The following TSHZ1 variants were observed in gnomAD, a reference collection of about 807,000 sequenced individuals.
TSHZ1 encodes teashirt homolog 1.
In TSHZ1, 12 loss-of-function variants were observed where a neutral mutation model predicts 67.1. That is an observed-to-expected ratio of 0.18 (90% CI 0.11 to 0.29). TSHZ1 has a LOEUF of 0.29. Among genes scored for constraint, TSHZ1 ranks in the 10% least tolerant of loss-of-function variants. The pLI, the probability that TSHZ1 is intolerant of heterozygous loss-of-function variation, is 1.00. For synonymous variants in TSHZ1, 632 were observed against 622.4 expected (o/e 1.02, Z -0.23); for missense variants, 1,305 against 1,413.9 (o/e 0.92, Z 1.23).
chr18:75,281,914 A>T lies in TSHZ1; in HGVS notation c.41-3534A>T, dbSNP rs969498811. 2.6e-5 allele frequency among the ~76,000 whole-genome samples: 4 copies of T among 152,094 alleles called. No homozygotes were observed. The highest frequency in any genetic ancestry group is 7.2e-5 in the African/African-American group (3 of 41,462). ...TGCCTTCCAAAAGTGTCCCTCACCT[A>T]CCCGGTCAGAGGCTGCCTGATCACC... On this transcript the variant is annotated intron_variant, in intron 1 of 1. Transcript: ENST00000580243. The surrounding 1 kb of genome is among the most constrained non-coding windows in gnomAD (Gnocchi z 5.3).
At chr18:75,237,840 T>C (rs1568356621) in intron 1 of TSHZ1, among the ~76,000 whole-genome samples, 1 of 145,808 alleles carries the variant, frequency 6.9e-6, no homozygotes, top group Non-Finnish European at 1.5e-5. Flanking sequence ...GAGACGGGGT[T>C]TCACTCTTGT....
intron 1 of TSHZ1, among the ~76,000 whole-genome samples, chr18:75,218,156 G>GA (rs1281145747): frequency 1.3e-5 from 2 of 152,098 alleles, no homozygotes; most frequent in Non-Finnish European, 2.9e-5. Flanking sequence ...TAGAGCAAAG[G>GA]AAAAAAATAT....
At chr18:75,238,325 C>T (rs2122546631) in intron 1 of TSHZ1, among the ~76,000 whole-genome samples, 1 of 152,324 alleles carries the variant, frequency 6.6e-6, no homozygotes, top group African/African-American at 2.4e-5. Flanking sequence ...GGAACTCCCA[C>T]CAGCGAGGTG....
chr18:75,245,602 A>G (rs1029152050), intron 1 of TSHZ1, among the ~76,000 whole-genome samples: 1 of 152,186 alleles, frequency 6.6e-6, no homozygotes, highest in African/African-American at 2.4e-5. Context: ...TAAAACTGCC[A>G]GATTTTTAGT....
intron 1 of TSHZ1, among the ~76,000 whole-genome samples, chr18:75,255,815 G>A (rs937041910): frequency 6.6e-6 from 1 of 152,192 alleles, no homozygotes; most frequent in African/African-American, 2.4e-5. Context: ...TTCTGCATGT[G>A]TATTTTACTT....
chr18:75,238,331 A>C (rs1046304638), intron 1 of TSHZ1, among the ~76,000 whole-genome samples: 1 of 152,140 alleles, frequency 6.6e-6, no homozygotes, highest in African/African-American at 2.4e-5. Flanking sequence ...CCCACCAGCG[A>C]GGTGTAGACG....
Position 75,286,051 on chromosome 18 carries a change from G to T in TSHZ1, c.644G>T (p.Gly215Val). Residue 215 changes from glycine to valine, a missense_variant, in exon 2 of 2, where the codon GGG becomes GTG. Coordinates refer to ENST00000580243, the MANE Select transcript of TSHZ1 (RefSeq NM_001308210.2). The surrounding 1 kb of genome is among the most constrained non-coding windows in gnomAD (Gnocchi z 5.1). Reference protein sequence around the residue: ...AKTLQQTSSYGLLPEPSLFST... With the variant: ...AKTLQQTSSYVLLPEPSLFST... ...ACGCTGCAGCAGACGTCCTCGTATGGGCTGCTTCCTGAGCCCAGCCTGTTC... is the reference window on the plus strand; with the variant it reads ...ACGCTGCAGCAGACGTCCTCGTATGTGCTGCTTCCTGAGCCCAGCCTGTTC... 21 of 1,613,376 alleles carry T rather than the reference G, an allele frequency of 1.3e-5. No individual in the cohort carries two copies. The highest frequency in any genetic ancestry group is 1.8e-5 in the Non-Finnish European group (21 of 1,179,798).
chr18:75,285,585 C>G lies in TSHZ1; in HGVS notation c.178C>G (p.Gln60Glu). ...ETEIKEAQSYQNSPVSSATNQ... is the reference protein window; with the variant it reads ...ETEIKEAQSYENSPVSSATNQ... ...GGAGATCAAAGAGGCGCAGAGCTAC[C>G]AGAACTCCCCAGTCAGCTCTGCGAC... The change falls in exon 2 of 2, where the codon CAG becomes GAG. Residue 60 changes from glutamine to glutamate, a missense_variant. Transcript: ENST00000580243. 6.2e-7 allele frequency: 1 copy of G among 1,605,226 alleles called. No individual in the cohort carries two copies. The highest frequency in any genetic ancestry group is 8.5e-7 in the Non-Finnish European group (1 of 1,173,392).
intron 1 of TSHZ1, chr18:75,245,399 G>C (rs1360039882): frequency 6.6e-6 from 1 of 152,194 alleles, no homozygotes; most frequent in East Asian, 1.9e-4. Context: ...GGATTTTTAA[G>C]GGTATGTCAG....
chr18:75,224,306 C>G (rs1461134786), intron 1 of TSHZ1, among the ~76,000 whole-genome samples: 3 of 152,120 alleles, frequency 2.0e-5, no homozygotes, highest in African/African-American at 7.2e-5. Context: ...AACAGGATTT[C>G]TTTCTCTTCT....
chr18:75,276,508 C>T (rs2023615080), intron 1 of TSHZ1, among the ~76,000 whole-genome samples: 1 of 152,200 alleles, frequency 6.6e-6, no homozygotes, highest in Non-Finnish European at 1.5e-5. Flanking sequence ...ATCAAAACCA[C>T]CTGCTCTCTC....
Position 75,286,133 on chromosome 18 carries a change from C to A in TSHZ1, c.726C>A (p.Gly242=). 6.2e-7 allele frequency: 1 copy of A among 1,613,192 alleles called. No individual in the cohort carries two copies. The highest frequency in any genetic ancestry group is 1.1e-5 in the South Asian group (1 of 91,064). Residue 242 remains glycine, a synonymous_variant, in exon 2 of 2, where the codon GGC becomes GGA. Coordinates refer to ENST00000580243, the MANE Select transcript of TSHZ1 (RefSeq NM_001308210.2). This position sits in a 1 kb window ranked among gnomAD's most constrained non-coding sequence, Gnocchi z 5.1. The part of the protein sequence containing the change: ...NNKLYGSVFT[G]ASKFRCKDCS... ...AGCTCTACGGCTCCGTCTTCACGGG[C>A]GCCAGCAAGTTCCGGTGCAAAGACT...
chr18:75,235,985 C>G (rs1396447681), intron 1 of TSHZ1, among the ~76,000 whole-genome samples: 41 of 152,234 alleles, frequency 2.7e-4, no homozygotes, highest in Admixed American at 2.7e-3. Context: ...CTTGCCTCCA[C>G]ACCCACATTG....
intron 1 of TSHZ1, among the ~76,000 whole-genome samples, chr18:75,226,779 G>A (rs1599027979): frequency 2.0e-5 from 3 of 152,198 alleles, no homozygotes; most frequent in South Asian, 4.2e-4. Context: ...CTTGGGAAAC[G>A]CCGCCGACAA....
Position 75,288,141 on chromosome 18 carries a change from A to G in TSHZ1, c.2734A>G (p.Thr912Ala). 1 of 1,614,052 alleles carries G rather than the reference A, an allele frequency of 6.2e-7. No individual in the cohort carries two copies. The highest frequency in any genetic ancestry group is 8.5e-7 in the Non-Finnish European group (1 of 1,180,038). ...AQFASSLRET[T>A]EGKYIMSDLG... ...GTTCGCCTCGAGCTTGCGGGAGACCACAGAGGGCAAGTACATCATGTCGGA... is the reference window on the plus strand; with the variant it reads ...GTTCGCCTCGAGCTTGCGGGAGACCGCAGAGGGCAAGTACATCATGTCGGA... Residue 912 changes from threonine (T) to alanine (A), a missense_variant, in exon 2 of 2, where the codon ACA becomes GCA. By Grantham distance (58) the Thr-to-Ala change is moderately conservative (BLOSUM62 0). This residue lies in a region of TSHZ1 where 909 missense variants were observed against 961.8 expected (regional missense o/e 0.95). Coordinates refer to ENST00000580243, the MANE Select transcript of TSHZ1 (RefSeq NM_001308210.2). The surrounding 1 kb of genome is among the most constrained non-coding windows in gnomAD (Gnocchi z 4.9).
Position 75,288,216 on chromosome 18 carries a change from A to C in TSHZ1, c.2809A>C (p.Met937Leu), listed in dbSNP as rs1599063596. ...VHISKFTGLS[M>L]TTISHWLANV... is the part of the protein sequence containing the mutation. ...CATCTCGAAGTTTACTGGGCTCTCC[A>C]TGACCACCATCAGCCACTGGCTGGC... The change falls in exon 2 of 2, where the codon ATG becomes CTG. Residue 937 changes from methionine (M) to leucine (L), a missense_variant. By Grantham distance (15) the Met-to-Leu change is conservative (BLOSUM62 2). This residue lies in a region of TSHZ1 where 909 missense variants were observed against 961.8 expected (regional missense o/e 0.95). Coordinates refer to ENST00000580243, the MANE Select transcript of TSHZ1 (RefSeq NM_001308210.2). The surrounding 1 kb of genome is among the most constrained non-coding windows in gnomAD (Gnocchi z 4.9). The C allele has an allele frequency of 6.2e-7, 1 of 1,614,210 alleles. No homozygotes were observed. Among genetic ancestry groups the C allele is most frequent in the Non-Finnish European group, 8.5e-7 (1 of 1,180,036 alleles).
intron 1 of TSHZ1, among the ~76,000 whole-genome samples, chr18:75,216,750 C>G (rs112521488): frequency 6.6e-6 from 1 of 152,270 alleles, no homozygotes; most frequent in African/African-American, 2.4e-5. Flanking sequence ...GACAGTCGCC[C>G]AGGGTGGTGC....
intron 1 of TSHZ1, among the ~76,000 whole-genome samples, chr18:75,272,460 A>G (rs2023570094): frequency 6.6e-6 from 1 of 152,218 alleles, no homozygotes; most frequent in African/African-American, 2.4e-5. Context: ...ACTCTGCTAA[A>G]ACTTAAAGGG....
intron 1 of TSHZ1, among the ~76,000 whole-genome samples, chr18:75,254,023 G>T (rs1256211417): frequency 6.6e-6 from 1 of 152,220 alleles, no homozygotes; most frequent in Non-Finnish European, 1.5e-5. Context: ...TGGGCCTGGC[G>T]TAGCATTGAC....
Sources: gnomAD v4.1 joint callset for allele counts (sites outside exome capture counted in the v4.1 genomes callset) on GRCh38, gnomAD v4.1.1 for gene constraint, gnomAD v4.1.1 regional missense constraint, Gnocchi (gnomAD v3.1) non-coding constraint, MANE v1.5 for transcripts, NCBI Gene and HGNC (gene_info 2026-07-23, HGNC 2026-07-21) for gene names.